The following ST18 variants were observed in gnomAD, a reference collection of about 807,000 sequenced individuals.
ST18 encodes the protein ST18 C2H2C-type zinc finger transcription factor, also known as suppression of tumorigenicity 18 protein.
A neutral mutation model predicts 110.0 loss-of-function variants in ST18; 50 were observed. The observed-to-expected ratio is 0.45, with a 90% confidence interval of 0.36 to 0.58. The LOEUF (loss-of-function observed/expected upper bound fraction) is 0.58, where lower values mean the gene tolerates loss of function less well. ST18 is among the 20% of genes least tolerant of loss of function. The probability of loss-of-function intolerance (pLI) is 0.00; values close to 1 mark genes in which losing one functional copy is unlikely to be tolerated. For synonymous variants in ST18, 461 were observed against 452.4 expected (o/e 1.02, Z -0.24); for missense variants, 1,306 against 1,280.1 (o/e 1.02, Z -0.31).
intron 9 of ST18, 65 bp downstream of exon 9, chr8:52,180,057 C>A: frequency 6.6e-7 from 1 of 1,516,266 alleles, no homozygotes. Context: ...ACACACTCTA[C>A]ATGAATTAGC....
chr8:52,378,613 A>T (rs1356177991), intron 2 of ST18, among the ~76,000 whole-genome samples: 1 of 152,206 alleles, frequency 6.6e-6, no homozygotes, highest in Non-Finnish European at 1.5e-5. Flanking sequence ...TTTAATTAAG[A>T]TATAATAAAT....
intron 8 of ST18, among the ~76,000 whole-genome samples, chr8:52,211,422 T>TATA (rs2082137265): frequency 1.4e-5 from 2 of 145,478 alleles, no homozygotes; most frequent in Non-Finnish European, 3.0e-5. Flanking sequence ...TTATTATTAT[T>TATA]TTGAGATGGA....
rs563250935 is a variant in ST18 at position 52,288,440 on chromosome 8, G to A, written c.-464-58363C>T. On this transcript the variant is annotated intron_variant, in intron 2 of 25. Transcript: ENST00000689386. Reference sequence around the variant, plus strand: ...AATAGGCTGGGCATAGTACTCATGCGTATAATCCCAGCACTTTGAGAGACA... The same window carrying A: ...AATAGGCTGGGCATAGTACTCATGCATATAATCCCAGCACTTTGAGAGACA... Among the ~76,000 whole-genome samples the A allele has an allele frequency of 2.2e-4, 33 of 152,236 alleles. No homozygotes were observed. The East Asian group carries it at 4.5e-3, about 21-fold the overall frequency.
At chr8:52,401,020 A>G (rs1842677740) in intron 2 of ST18, among the ~76,000 whole-genome samples, 1 of 152,016 alleles carries the variant, frequency 6.6e-6, no homozygotes, top group African/African-American at 2.4e-5. Flanking sequence ...GTAGTGATAA[A>G]TTTTCTTAGC....
chr8:52,290,792 C>T (rs935577583), intron 2 of ST18, among the ~76,000 whole-genome samples: 1 of 152,204 alleles, frequency 6.6e-6, no homozygotes, highest in Admixed American at 6.5e-5. Flanking sequence ...GTCTGGTTTT[C>T]CTGAAAGAGA....
chr8:52,173,180 T>G (rs1403928558), intron 9 of ST18, among the ~76,000 whole-genome samples: 8 of 152,244 alleles, frequency 5.3e-5, no homozygotes, highest in Admixed American at 4.6e-4. Context: ...GACTTCCTGT[T>G]TACCTTTGTA....
chr8:52,245,417 T>C (rs941047723), intron 2 of ST18, among the ~76,000 whole-genome samples: 17 of 152,090 alleles, frequency 1.1e-4, no homozygotes, highest in African/African-American at 3.9e-4. Flanking sequence ...CATATTGAAA[T>C]TGGATATATA....
intron 2 of ST18, among the ~76,000 whole-genome samples, chr8:52,390,000 C>T (rs1838741699): frequency 6.6e-6 from 1 of 152,154 alleles, no homozygotes. Flanking sequence ...TGCTTTACCA[C>T]TTTCCTCTCT....
intron 2 of ST18, among the ~76,000 whole-genome samples, chr8:52,239,397 T>C (rs984935067): frequency 6.6e-6 from 1 of 152,152 alleles, no homozygotes; most frequent in Non-Finnish European, 1.5e-5. Context: ...GGTGAAACCA[T>C]ACAGATCACA....
At chr8:52,139,107 A>G (rs1442004427) in intron 17 of ST18, among the ~76,000 whole-genome samples, 2 of 152,176 alleles carry the variant, frequency 1.3e-5, no homozygotes, top group African/African-American at 2.4e-5. Context: ...AAAAAAAACT[A>G]TAAAAGCTAT....
At chr8:52,311,260 G>T (rs1477863216) in intron 2 of ST18, among the ~76,000 whole-genome samples, 1 of 152,172 alleles carries the variant, frequency 6.6e-6, no homozygotes, top group Non-Finnish European at 1.5e-5. Flanking sequence ...ACATTGAAGG[G>T]CATCTTTCAC....
chr8:52,122,219 T>A (rs1024361423), intron 23 of ST18, among the ~76,000 whole-genome samples: 1 of 152,316 alleles, frequency 6.6e-6, no homozygotes, highest in South Asian at 2.1e-4. Context: ...CAATAGATTA[T>A]GCTTTCTTTT....
At chr8:52,306,013 C>T (rs894885062) in intron 2 of ST18, among the ~76,000 whole-genome samples, 3 of 152,346 alleles carry the variant, frequency 2.0e-5, no homozygotes, top group South Asian at 4.1e-4. Flanking sequence ...GACCCAGTGG[C>T]TCTCTGTGGC....
At chr8:52,300,305 C>T (rs975000659) in intron 2 of ST18, among the ~76,000 whole-genome samples, 13 of 151,950 alleles carry the variant, frequency 8.6e-5, no homozygotes, top group Non-Finnish European at 1.8e-4. Context: ...CTTGAATACT[C>T]GAACACTCAT....
chr8:52,367,417 G>A (rs1828535266), intron 2 of ST18, among the ~76,000 whole-genome samples: 1 of 151,944 alleles, frequency 6.6e-6, no homozygotes, highest in South Asian at 2.1e-4. Flanking sequence ...GTGAGACTTT[G>A]TCTCGAAAAA....
chr8:52,132,971 C>A, intron 21 of ST18, 86 bp downstream of exon 21: 1 of 1,430,138 alleles, frequency 7.0e-7, no homozygotes. Flanking sequence ...GAAACTCAAT[C>A]CGTGTTCAAT....
chr8:52,258,324 G>T (rs1191246091), intron 2 of ST18, among the ~76,000 whole-genome samples: 1 of 152,048 alleles, frequency 6.6e-6, no homozygotes, highest in African/African-American at 2.4e-5. Flanking sequence ...AAGCCATCTG[G>T]GATTTTGATA....
Position 52,137,490 on chromosome 8 carries a change from CA to C in ST18, c.2169-8del. On this transcript the variant is annotated splice_region_variant and splice_polypyrimidine_tract_variant and intron_variant, in intron 17 of 25. Transcript: ENST00000689386. ...ACATCCTGGTGTTGGACAGCTGAGT[CA>C]ATAGAAAATACATCATTAGAGTCAA... The C allele has an allele frequency of 6.2e-7, 1 of 1,613,944 alleles. No homozygotes were observed. Among genetic ancestry groups the C allele is most frequent in the Non-Finnish European group, 8.5e-7 (1 of 1,179,948 alleles).
chr8:52,295,414 C>T (rs1454278319), intron 2 of ST18, among the ~76,000 whole-genome samples: 2 of 152,112 alleles, frequency 1.3e-5, no homozygotes, highest in Non-Finnish European at 2.9e-5. Flanking sequence ...TTTTCCCTCT[C>T]TCTCTAAGTA....
Sources: gnomAD v4.1 joint callset for allele counts (sites outside exome capture counted in the v4.1 genomes callset) on GRCh38, gnomAD v4.1.1 for gene constraint, MANE v1.5 for transcripts, NCBI Gene and HGNC (gene_info 2026-07-23, HGNC 2026-07-21) for gene names.